Variants in FOXP2 observed in about 807,000 individuals in gnomAD.
FOXP2 encodes the protein forkhead box protein P2.
In FOXP2, 12 loss-of-function variants were observed where a neutral mutation model predicts 115.8. The ratio of observed to expected loss-of-function variants is 0.10; its 90% confidence interval spans 0.07 to 0.17. The LOEUF (loss-of-function observed/expected upper bound fraction) is 0.17, where lower values mean the gene tolerates loss of function less well. Among genes scored for constraint, FOXP2 ranks in the 10% least tolerant of loss-of-function variants. The pLI, the probability that FOXP2 is intolerant of heterozygous loss-of-function variation, is 1.00. For synonymous variants in FOXP2, 328 were observed against 297.7 expected, an observed-to-expected ratio of 1.10 and a Z score of -1.05; for missense variants, 629 against 843.5, an observed-to-expected ratio of 0.75 and a Z score of 3.15.
chr7:114,547,865 T>A (rs1186004828), intron 3 of FOXP2, among the ~76,000 whole-genome samples: 1 of 152,238 alleles, frequency 6.6e-6, no homozygotes, highest in Non-Finnish European at 1.5e-5. Context: ...TTTTTATGAT[T>A]TAATTATATC....
chr7:114,512,359 G>T (rs759332757), intron 2 of FOXP2, among the ~76,000 whole-genome samples: 1 of 152,126 alleles, frequency 6.6e-6, no homozygotes, highest in Non-Finnish European at 1.5e-5. Context: ...AAACAGTGTT[G>T]TGTATGATCC....
chr7:114,161,614 C>T (rs79863212), upstream of FOXP2, among the ~76,000 whole-genome samples: 158 of 151,408 alleles, frequency 1.0e-3, 3 homozygotes, highest in East Asian at 0.029. Flanking sequence ...TGCTATCATG[C>T]ACATTTGCCC....
At chr7:114,600,062 C>T (rs1584939567) in intron 3 of FOXP2, among the ~76,000 whole-genome samples, 1 of 152,078 alleles carries the variant, frequency 6.6e-6, no homozygotes, top group Admixed American at 6.6e-5. Context: ...ACATTGGATT[C>T]ACTCTTGGTC....
intron 2 of FOXP2, among the ~76,000 whole-genome samples, chr7:114,528,610 C>A (rs1219258812): frequency 6.6e-6 from 1 of 151,914 alleles, no homozygotes; most frequent in Non-Finnish European, 1.5e-5. Context: ...AGAGCATATG[C>A]AGAACAGAGG....
intron 3 of FOXP2, among the ~76,000 whole-genome samples, chr7:114,591,776 A>G (rs1802448856): frequency 1.3e-5 from 2 of 152,054 alleles, no homozygotes; most frequent in Admixed American, 6.6e-5. Flanking sequence ...TCCACAGCCT[A>G]CAAGCTGCAT....
chr7:114,534,705 A>T lies in FOXP2; in HGVS notation c.257A>T (p.Gln86Leu). The T allele has an allele frequency of 6.2e-7, 1 of 1,609,468 alleles. No homozygotes were observed. The highest frequency in any genetic ancestry group is 1.3e-5 in the African/African-American group (1 of 74,852). ...AGCAGTGATAAACAGAGACCACTGC[A>T]GGTTAGTAAAGCACTCCTGTCCTTG... Reference protein sequence around the residue: ...PKSSDKQRPLQVPVSVAMMTP... With the variant: ...PKSSDKQRPLLVPVSVAMMTP... The change falls in exon 3 of 17, where the codon CAG (glutamine) becomes CTG (leucine). Residue 86 changes from glutamine (Q) to leucine (L), a missense_variant and splice_region_variant. By Grantham distance (113) the Gln-to-Leu change is moderately radical (BLOSUM62 -2). Transcript: ENST00000350908.
intron 3 of FOXP2, among the ~76,000 whole-genome samples, chr7:114,606,402 A>C (rs894078539): frequency 3.3e-5 from 5 of 152,218 alleles, no homozygotes; most frequent in African/African-American, 1.2e-4. Context: ...AATTTTTAAG[A>C]AATTTGCACT....
At chr7:114,292,808 TG>T (rs1301328609) in intron 2 of FOXP2, among the ~76,000 whole-genome samples, 1 of 152,218 alleles carries the variant, frequency 6.6e-6, no homozygotes, top group Non-Finnish European at 1.5e-5. Flanking sequence ...CTTACAATGT[TG>T]CATATAATAG....
At chr7:114,616,752 T>C (rs1483465315) in intron 3 of FOXP2, among the ~76,000 whole-genome samples, 3 of 152,314 alleles carry the variant, frequency 2.0e-5, no homozygotes, top group Admixed American at 6.5e-5. Flanking sequence ...TCCCCAAATC[T>C]AAATCTAGAG....
rs1187990353 is a variant in FOXP2, at chr7:114,691,666, C to A, written c.*1740C>A. On this transcript the variant is annotated 3_prime_UTR_variant, in exon 17 of 17. Coordinates refer to ENST00000350908, the MANE Select transcript of FOXP2 (RefSeq NM_014491.4). ...GTCTTGATAATACTTTTTCCCCCAACCAAGGGACCTCATAACCTGATTATG... is the reference window on the plus strand; with the variant it reads ...GTCTTGATAATACTTTTTCCCCCAAACAAGGGACCTCATAACCTGATTATG... 1 of 453,932 alleles carries A rather than the reference C, an allele frequency of 2.2e-6. No homozygotes were observed. The highest frequency in any genetic ancestry group is 4.4e-6 in the Non-Finnish European group (1 of 226,718). 28.1% of individuals were successfully genotyped at this position (453,932 alleles called of 1,614,324 possible). A position where few individuals can be genotyped will look rare whatever the true frequency, so the allele number is the denominator to read the frequency against.
At chr7:114,377,842 G>T (rs1275665256) in intron 2 of FOXP2, among the ~76,000 whole-genome samples, 7 of 152,182 alleles carry the variant, frequency 4.6e-5, no homozygotes, top group African/African-American at 1.7e-4. Context: ...AGGAAAGCTC[G>T]TGTCTGCCTC....
At chr7:114,237,467 C>T (rs1795040018) in intron 1 of FOXP2, among the ~76,000 whole-genome samples, 1 of 152,112 alleles carries the variant, frequency 6.6e-6, no homozygotes, top group Non-Finnish European at 1.5e-5. Context: ...AATTGCCATG[C>T]ATTGTAATAT....
chr7:114,391,215 C>G (rs1325844633), intron 2 of FOXP2, among the ~76,000 whole-genome samples: 2 of 151,958 alleles, frequency 1.3e-5, no homozygotes, highest in Non-Finnish European at 2.9e-5. Flanking sequence ...TCTGACTTCT[C>G]TGGAAAACAT....
At chr7:114,145,140 A>T (rs1387249778) in intron 1 of FOXP2, among the ~76,000 whole-genome samples, 1 of 152,110 alleles carries the variant, frequency 6.6e-6, no homozygotes, top group Non-Finnish European at 1.5e-5. Flanking sequence ...AGCCCTCTAA[A>T]TTTATTTTTT....
chr7:114,542,131 A>G (rs973140872), intron 3 of FOXP2, among the ~76,000 whole-genome samples: 1 of 152,020 alleles, frequency 6.6e-6, no homozygotes, highest in Non-Finnish European at 1.5e-5. Flanking sequence ...TTTTCTTAAA[A>G]TGTTTCTGCT....
chr7:114,581,249 T>G (rs1026500775), intron 3 of FOXP2, among the ~76,000 whole-genome samples: 3 of 151,838 alleles, frequency 2.0e-5, no homozygotes, highest in African/African-American at 7.3e-5. Context: ...AGTGGCACAG[T>G]CTCTGCTCAC....
At chr7:114,237,261 A>G (rs951275492) in intron 1 of FOXP2, among the ~76,000 whole-genome samples, 11 of 152,210 alleles carry the variant, frequency 7.2e-5, no homozygotes, top group Non-Finnish European at 1.5e-4. Flanking sequence ...AAAGTGTTGA[A>G]GGTACAATAT....
At chr7:114,242,624 A>G (rs1297251412) in intron 1 of FOXP2, among the ~76,000 whole-genome samples, 1 of 152,172 alleles carries the variant, frequency 6.6e-6, no homozygotes, top group African/African-American at 2.4e-5. Context: ...TTGGGAGCCA[A>G]TGGCTCTTTT....
At chr7:114,093,531 A>AT (rs1799583070) in intron 1 of FOXP2, among the ~76,000 whole-genome samples, 1 of 152,204 alleles carries the variant, frequency 6.6e-6, no homozygotes, top group Non-Finnish European at 1.5e-5. Flanking sequence ...GAAGAGCCCC[A>AT]TAAGTAAATG....
Sources: gnomAD v4.1 joint callset for allele counts (sites outside exome capture counted in the v4.1 genomes callset) on GRCh38, gnomAD v4.1.1 for gene constraint, MANE v1.5 for transcripts, NCBI Gene and HGNC (gene_info 2026-07-23, HGNC 2026-07-21) for gene names.